The following BTBD9 variants were observed in gnomAD, a reference collection of about 807,000 sequenced individuals.
The protein encoded by BTBD9 is BTB domain containing 9.
In BTBD9, 49 loss-of-function variants were observed where a neutral mutation model predicts 64.3. The observed-to-expected ratio is 0.76, with a 90% CI of 0.61 to 0.97. The LOEUF is 0.97. Ranked by LOEUF, BTBD9 falls within the 50% of genes least tolerant of loss-of-function variation. BTBD9 has a pLI of 0.00. For synonymous variants in BTBD9, 260 were observed against 274.7 expected, an observed-to-expected ratio of 0.95 and a Z score of 0.53; for missense variants, 598 against 762.1, an observed-to-expected ratio of 0.78 and a Z score of 2.53.
chr6:38,526,985 T>C (rs951300018), intron 6 of BTBD9, among the ~76,000 whole-genome samples: 5 of 152,036 alleles, frequency 3.3e-5, no homozygotes, highest in Non-Finnish European at 7.4e-5. Flanking sequence ...TTTTGAAATG[T>C]GAAAAGATGG....
chr6:38,385,435 C>T (rs749489396), intron 6 of BTBD9, among the ~76,000 whole-genome samples: 1 of 152,058 alleles, frequency 6.6e-6, no homozygotes, highest in East Asian at 1.9e-4. Flanking sequence ...TGTGATCCAC[C>T]TGCCTCAGCC....
At chr6:38,517,792 C>G (rs1773102548) in intron 6 of BTBD9, among the ~76,000 whole-genome samples, 1 of 152,180 alleles carries the variant, frequency 6.6e-6, no homozygotes, top group African/African-American at 2.4e-5. Flanking sequence ...CAAAAGCTAG[C>G]TGGCTCTATA....
At chr6:38,630,917 T>C (rs987306148) in intron 1 of BTBD9, among the ~76,000 whole-genome samples, 2 of 152,242 alleles carry the variant, frequency 1.3e-5, no homozygotes, top group African/African-American at 4.8e-5. Context: ...TGCAGCCCAA[T>C]GTCACTGTAC....
chr6:38,549,431 T>C (rs1193701619), intron 6 of BTBD9, among the ~76,000 whole-genome samples: 1 of 152,180 alleles, frequency 6.6e-6, no homozygotes, highest in Non-Finnish European at 1.5e-5. Context: ...GTAACCTGCT[T>C]TGGAGGGCAG....
rs191711125 is a variant in BTBD9, at chr6:38,381,222, G to A, written c.1155-36129C>T. On this transcript the variant is annotated intron_variant, in intron 6 of 10. Transcript: ENST00000481247. ...GAAGAAAAGTAAAATCCTATGACACGCTATTTACAAGAAACAATAAAATAT... is the reference window on the plus strand; with the variant it reads ...GAAGAAAAGTAAAATCCTATGACACACTATTTACAAGAAACAATAAAATAT... Among the ~76,000 whole-genome samples, 7 of 152,044 alleles carry A rather than the reference G, an allele frequency of 4.6e-5. No individual in the cohort carries two copies. The East Asian group carries it at 5.8e-4, about 13-fold the overall frequency.
chr6:38,379,329 C>T (rs1399570751), intron 6 of BTBD9, among the ~76,000 whole-genome samples: 4 of 152,190 alleles, frequency 2.6e-5, no homozygotes, highest in African/African-American at 9.7e-5. Flanking sequence ...GCTTAGAGGG[C>T]AGCCAGTTCA....
At chr6:38,466,526 C>G (rs545857805) in intron 6 of BTBD9, among the ~76,000 whole-genome samples, 25 of 152,108 alleles carry the variant, frequency 1.6e-4, no homozygotes, top group African/African-American at 5.3e-4. Flanking sequence ...CTCCTGACCT[C>G]AGGTGATCTG....
chr6:38,482,314 A>T (rs1350596745), intron 6 of BTBD9: 1 of 152,058 alleles, frequency 6.6e-6, no homozygotes, highest in African/African-American at 2.4e-5. Flanking sequence ...TTCCCACCAA[A>T]GCATGCCAGG....
At chr6:38,630,263 G>GT (rs1444398745) in intron 1 of BTBD9, among the ~76,000 whole-genome samples, 1 of 151,824 alleles carries the variant, frequency 6.6e-6, no homozygotes, top group Admixed American at 6.6e-5. Flanking sequence ...CACATGGCTG[G>GT]TTTTTTGTTT....
intron 6 of BTBD9, among the ~76,000 whole-genome samples, chr6:38,481,440 GT>G (rs1771138779): frequency 6.6e-6 from 1 of 152,188 alleles, no homozygotes; most frequent in South Asian, 2.1e-4. Context: ...ATCGTAAAGT[GT>G]TTTGAAAAGT....
chr6:38,427,550 G>A (rs1370460844), intron 6 of BTBD9, among the ~76,000 whole-genome samples: 1 of 151,916 alleles, frequency 6.6e-6, no homozygotes, highest in Non-Finnish European at 1.5e-5. Context: ...AAGGAAAAGA[G>A]GAAATCCCTG....
At chr6:38,443,851 G>A (rs1451080367) in intron 6 of BTBD9, among the ~76,000 whole-genome samples, 1 of 152,090 alleles carries the variant, frequency 6.6e-6, no homozygotes, top group East Asian at 1.9e-4. Context: ...TCCACTCTGA[G>A]CTCCCTCTAA....
At chr6:38,534,141 G>A (rs1206867855) in intron 6 of BTBD9, among the ~76,000 whole-genome samples, 2 of 151,382 alleles carry the variant, frequency 1.3e-5, no homozygotes, top group Non-Finnish European at 3.0e-5. Context: ...ACCTAACTAA[G>A]AAAAAAAGAG....
At chr6:38,355,963 T>C (rs1037620946) in intron 6 of BTBD9, among the ~76,000 whole-genome samples, 1 of 152,218 alleles carries the variant, frequency 6.6e-6, no homozygotes, top group Admixed American at 6.5e-5. Flanking sequence ...TTTGGCTGGG[T>C]ACAGAATCTC....
rs544761593 is a variant in BTBD9 at position 38,492,526 on chromosome 6, T to G, written c.1154+85074A>C. Reference sequence around the variant, plus strand: ...AATAAAGCAACTAAAATAATGATTTTTAAACTTACATCATCCTCTCATTCA... The same window carrying G: ...AATAAAGCAACTAAAATAATGATTTGTAAACTTACATCATCCTCTCATTCA... On this transcript the variant is annotated intron_variant, in intron 6 of 10. Coordinates refer to ENST00000481247, the MANE Select transcript of BTBD9 (RefSeq NM_001099272.2). 2.0e-5 allele frequency among the ~76,000 whole-genome samples: 3 copies of G among 152,328 alleles called. No individual in the cohort carries two copies. The East Asian group carries it at 5.8e-4, about 29-fold the overall frequency.
chr6:38,297,023 T>C (rs894716817), intron 7 of BTBD9, among the ~76,000 whole-genome samples: 2 of 152,176 alleles, frequency 1.3e-5, no homozygotes, highest in Non-Finnish European at 2.9e-5. Context: ...AAATTGCCAA[T>C]TGTATTATTC....
At chr6:38,221,858 G>A (rs1011481440) in intron 9 of BTBD9, among the ~76,000 whole-genome samples, 3 of 152,158 alleles carry the variant, frequency 2.0e-5, no homozygotes. Flanking sequence ...AGGCCTGGTG[G>A]TGCATGCCTG....
At chr6:38,470,967 CA>C (rs1287502170) in intron 6 of BTBD9, among the ~76,000 whole-genome samples, 35 of 152,096 alleles carry the variant, frequency 2.3e-4, no homozygotes, top group Admixed American at 2.2e-3. Context: ...AGCAGTTTTC[CA>C]AGATTCATTT....
intron 6 of BTBD9, among the ~76,000 whole-genome samples, chr6:38,354,893 G>T (rs982470811): frequency 6.6e-6 from 1 of 151,534 alleles, no homozygotes; most frequent in Non-Finnish European, 1.5e-5. Flanking sequence ...ACAATAACAG[G>T]AGAGAAAGAG....
Sources: allele counts gnomAD v4.1 joint callset (sites outside exome capture counted in the v4.1 genomes callset), GRCh38; gene constraint gnomAD v4.1.1; transcripts MANE v1.5; gene names NCBI Gene and HGNC (gene_info 2026-07-23, HGNC 2026-07-21).